Variants in CDK14 observed in about 807,000 individuals in gnomAD.
The protein encoded by CDK14 is cyclin dependent kinase 14.
CDK14 carries 34 observed loss-of-function variants against 60.7 expected under a neutral mutation model. That is an observed-to-expected ratio of 0.56 (90% CI 0.43 to 0.75). CDK14 has a LOEUF of 0.75. Among genes scored for constraint, CDK14 ranks in the 30% least tolerant of loss-of-function variants. The pLI, the probability that CDK14 is intolerant of heterozygous loss-of-function variation, is 0.00. For synonymous variants in CDK14, 197 were observed against 203.7 expected, an observed-to-expected ratio of 0.97 and a Z score of 0.28; for missense variants, 482 against 564.1, an observed-to-expected ratio of 0.85 and a Z score of 1.47.
intron 4 of CDK14, among the ~76,000 whole-genome samples, chr7:90,764,539 TA>T (rs1380326239): frequency 6.6e-6 from 1 of 152,150 alleles, no homozygotes; most frequent in African/African-American, 2.4e-5. Context: ...GCAGGTACCT[TA>T]AAAATCTAGG....
intron 4 of CDK14, among the ~76,000 whole-genome samples, chr7:90,763,272 AT>A (rs1343590526): frequency 6.6e-6 from 1 of 152,184 alleles, no homozygotes; most frequent in Admixed American, 6.5e-5. Context: ...ATCACTAAGG[AT>A]TCGATGATCT....
At chr7:90,812,002 C>G (rs536479950) in intron 5 of CDK14, among the ~76,000 whole-genome samples, 1 of 152,166 alleles carries the variant, frequency 6.6e-6, no homozygotes, top group Non-Finnish European at 1.5e-5. Context: ...AATAGGAACA[C>G]TTTTACACTG....
At chr7:90,624,520 G>A (rs1353078705) in intron 2 of CDK14, among the ~76,000 whole-genome samples, 2 of 152,040 alleles carry the variant, frequency 1.3e-5, no homozygotes, top group African/African-American at 4.8e-5. Context: ...GGTACCTCAA[G>A]AGCCAACAGC....
At chr7:90,751,643 A>G (rs901197251) in intron 4 of CDK14, among the ~76,000 whole-genome samples, 2 of 152,228 alleles carry the variant, frequency 1.3e-5, no homozygotes, top group African/African-American at 4.8e-5. Context: ...TAACAACTTC[A>G]TGATAGGCTC....
At chr7:90,751,061 G>A (rs1019562111) in intron 4 of CDK14, among the ~76,000 whole-genome samples, 1 of 151,884 alleles carries the variant, frequency 6.6e-6, no homozygotes, top group Non-Finnish European at 1.5e-5. Flanking sequence ...CAAATTATTG[G>A]CATTCCTAAG....
chr7:90,938,001 C>A (rs1793807343), intron 8 of CDK14, among the ~76,000 whole-genome samples: 1 of 152,300 alleles, frequency 6.6e-6, no homozygotes, highest in Non-Finnish European at 1.5e-5. Context: ...AGAGTAAGTT[C>A]ATGTTACACA....
chr7:90,772,741 C>T (rs149358422), intron 4 of CDK14, among the ~76,000 whole-genome samples: 2 of 152,058 alleles, frequency 1.3e-5, no homozygotes, highest in South Asian at 2.1e-4. Flanking sequence ...TATAAACAAC[C>T]GAGTTTCAGA....
intron 7 of CDK14, among the ~76,000 whole-genome samples, chr7:90,917,193 A>G (rs181616246): frequency 4.6e-5 from 7 of 152,334 alleles, no homozygotes; most frequent in Non-Finnish European, 1.0e-4. Flanking sequence ...ATATGTGCAT[A>G]TTGATATAAA....
At chr7:90,863,816 T>G (rs1791089956) in intron 6 of CDK14, among the ~76,000 whole-genome samples, 1 of 152,086 alleles carries the variant, frequency 6.6e-6, no homozygotes, top group Non-Finnish European at 1.5e-5. Flanking sequence ...GTAATGATCT[T>G]CTTATGTGAG....
intron 11 of CDK14, among the ~76,000 whole-genome samples, chr7:91,051,583 A>T (rs1015119861): frequency 3.3e-5 from 5 of 152,088 alleles, no homozygotes; most frequent in Non-Finnish European, 5.9e-5. Flanking sequence ...GAGGTGAGAG[A>T]TTGTGCTGTG....
At chr7:90,987,246 G>C (rs1306086964) in intron 10 of CDK14, among the ~76,000 whole-genome samples, 2 of 151,916 alleles carry the variant, frequency 1.3e-5, no homozygotes, top group African/African-American at 4.8e-5. Context: ...TTTGAGCTAT[G>C]ACTAGGCTTT....
intron 4 of CDK14, among the ~76,000 whole-genome samples, chr7:90,766,129 A>G (rs1804546077): frequency 6.6e-6 from 1 of 151,880 alleles, no homozygotes; most frequent in Non-Finnish European, 1.5e-5. Flanking sequence ...TCTGTGTAGC[A>G]CATTTGTTTT....
intron 14 of CDK14, among the ~76,000 whole-genome samples, chr7:91,204,572 A>G (rs1802826005): frequency 6.6e-6 from 1 of 152,232 alleles, no homozygotes; most frequent in African/African-American, 2.4e-5. Flanking sequence ...CAACGAAAAG[A>G]CAACCCAATT....
chr7:91,081,802 G>A (rs1798490050), intron 12 of CDK14, among the ~76,000 whole-genome samples: 1 of 151,788 alleles, frequency 6.6e-6, no homozygotes, highest in South Asian at 2.1e-4. Context: ...AAACAAAGCA[G>A]CAATGGGAGA....
chr7:90,700,334 C>T (rs936055171), intron 2 of CDK14, among the ~76,000 whole-genome samples: 9 of 152,178 alleles, frequency 5.9e-5, no homozygotes, highest in East Asian at 3.9e-4. Context: ...CCTCGCAGTC[C>T]GGCCACCTTG....
At chr7:90,721,121 T>C (rs564172519) in intron 2 of CDK14, among the ~76,000 whole-genome samples, 1 of 152,308 alleles carries the variant, frequency 6.6e-6, no homozygotes, top group South Asian at 2.1e-4. Flanking sequence ...CCCTTTAGCC[T>C]GTTGCATTAC....
chr7:90,783,073 G>A (rs975325055), intron 4 of CDK14, among the ~76,000 whole-genome samples: 1 of 152,018 alleles, frequency 6.6e-6, no homozygotes, highest in Non-Finnish European at 1.5e-5. Flanking sequence ...TTGCTGAAAT[G>A]TACATAATTT....
intron 5 of CDK14, among the ~76,000 whole-genome samples, chr7:90,828,751 T>C (rs1212896991): frequency 6.6e-6 from 1 of 152,224 alleles, no homozygotes; most frequent in Non-Finnish European, 1.5e-5. Context: ...AAAGAAATTA[T>C]ACTCTTTTAC....
At chr7:90,986,826 C>T (rs1795384115) in intron 10 of CDK14, among the ~76,000 whole-genome samples, 3 of 151,878 alleles carry the variant, frequency 2.0e-5, no homozygotes. Context: ...GAACTTTAGA[C>T]TCCACTTTTC....
Sources: gnomAD v4.1 joint callset for allele counts (sites outside exome capture counted in the v4.1 genomes callset) on GRCh38, gnomAD v4.1.1 for gene constraint, MANE v1.5 for transcripts, NCBI Gene and HGNC (gene_info 2026-07-23, HGNC 2026-07-21) for gene names.